The following ZNF292 variants were observed in gnomAD, a reference collection of about 807,000 sequenced individuals.
ZNF292 encodes the protein zinc finger protein 292, also known as 16 zinc-finger domain protein.
Under a neutral mutation model 217.9 loss-of-function variants are expected in ZNF292, and 26 were observed. The observed-to-expected ratio is 0.12, with a 90% CI of 0.09 to 0.17. ZNF292 has a LOEUF of 0.17. Ranked by LOEUF, ZNF292 falls within the 10% of genes least tolerant of loss-of-function variation. ZNF292 has a pLI of 1.00. For synonymous variants in ZNF292, 1,257 were observed against 1,124.1 expected (o/e 1.12, Z -2.37); for missense variants, 2,904 against 3,175.2 (o/e 0.91, Z 2.05).
chr6:87,234,920 C>T (rs114871142), intron 5 of ZNF292, among the ~76,000 whole-genome samples: 1,793 of 151,842 alleles, frequency 0.012, 34 homozygotes, highest in African/African-American at 0.04. Flanking sequence ...TAGGCTTGGA[C>T]CAAGATAAGA....
intron 1 of ZNF292, among the ~76,000 whole-genome samples, chr6:87,203,805 A>C (rs948667572): frequency 1.3e-5 from 2 of 151,998 alleles, no homozygotes; most frequent in African/African-American, 4.8e-5. Context: ...TGGTATGGGG[A>C]GTCAGAGCCA....
At position 87,182,340 on chromosome 6, in the gene ZNF292, A is replaced by G. The variant is rs559564052; in HGVS notation, c.168+26581A>G. On this transcript the variant is annotated intron_variant, in intron 1 of 7. Coordinates refer to ENST00000369577, the MANE Select transcript of ZNF292 (RefSeq NM_015021.3). ...CATCAAATGAGAACTTTTCAATTCT[A>G]TTACTTTATTATCATGCTTGGTAGC... 2.0e-5 allele frequency among the ~76,000 whole-genome samples: 3 copies of G among 152,322 alleles called. No homozygotes were observed. In the East Asian group the frequency reaches 5.8e-4, roughly 29 times the overall value.
In ZNF292 at chr6:87,256,498, T is replaced by C; in HGVS notation, c.2869T>C (p.Ser957Pro). Residue 957 changes from serine (S) to proline (P), a missense_variant, in exon 8 of 8, where the codon TCA (serine) becomes CCA (proline). Coordinates refer to ENST00000369577, the MANE Select transcript of ZNF292 (RefSeq NM_015021.3). ...GGATAACTTTGGAAAGCAAGAAAAC[T>C]CAACTGTGGAAGGCAGTGGTGAAGC... ...IEDNFGKQEN[S>P]TVEGSGEALV... The C allele has an allele frequency of 6.2e-7, 1 of 1,611,994 alleles. No homozygotes were observed. Among genetic ancestry groups the C allele is most frequent in the Non-Finnish European group, 8.5e-7 (1 of 1,179,810 alleles).
rs1775264625 is a variant in ZNF292 at position 87,257,084 on chromosome 6, AGTTT to A, written c.3460_3463del (p.Val1154IlefsTer7). 1.2e-6 allele frequency: 2 copies of A among 1,613,902 alleles called. No individual in the cohort carries two copies. The highest frequency in any genetic ancestry group is 1.7e-6 in the Non-Finnish European group (2 of 1,179,858). On this transcript the variant is annotated frameshift_variant, in exon 8 of 8. Coordinates refer to ENST00000369577, the MANE Select transcript of ZNF292 (RefSeq NM_015021.3). LOFTEE classifies it high-confidence loss of function. ...AACTTAAATACACCAAATAATGGAA[AGTTT>A]GTTTATTTTTTGCCATCACCGGTGA... is the stretch of plus-strand genomic sequence containing the variant.
rs746114862 is a variant in ZNF292 at position 87,155,778 on chromosome 6, C to T, written c.168+19C>T. On this transcript the variant is annotated intron_variant, in intron 1 of 7. Coordinates refer to ENST00000369577, the MANE Select transcript of ZNF292 (RefSeq NM_015021.3). ...GTGCCAGGTGAGGGCGCCCGGTGGT[C>T]CCCTCCCCCTTTCCCCAGCTAGAGG... is the stretch of plus-strand genomic sequence containing the variant. The T allele has an allele frequency of 1.3e-6, 2 of 1,572,646 alleles. No individual in the cohort carries two copies. The highest frequency in any genetic ancestry group is 1.7e-6 in the Non-Finnish European group (2 of 1,159,766).
intron 1 of ZNF292, among the ~76,000 whole-genome samples, chr6:87,214,150 G>A (rs771836897): frequency 2.0e-5 from 3 of 152,148 alleles, no homozygotes; most frequent in Admixed American, 1.3e-4. Flanking sequence ...TGTTTACATC[G>A]AAGCTGAATA....
At chr6:87,216,156 C>G (rs45442199) in intron 2 of ZNF292, 99 bp downstream of exon 2, 14 of 1,125,550 alleles carry the variant, frequency 1.2e-5, no homozygotes, top group Non-Finnish European at 2.5e-6. Context: ...CACACACACA[C>G]AACATTAAAT....
In ZNF292 at chr6:87,257,553, C is replaced by G. The variant is rs770763833; in HGVS notation, c.3924C>G (p.Ser1308=). Residue 1308 remains serine (S), a synonymous_variant, in exon 8 of 8, where the codon TCC becomes TCG. Transcript: ENST00000369577. ...SSQIEGNTNS[S]FLKGGNGENA... ...AGATTGAAGGAAACACTAATTCCTC[C>G]TTTCTAAAGGGGGGTAATGGTGAAA... 2 of 1,607,338 alleles carry G rather than the reference C, an allele frequency of 1.2e-6. No individual in the cohort carries two copies. The highest frequency in any genetic ancestry group is 1.1e-5 in the South Asian group (1 of 90,044).
intron 1 of ZNF292, among the ~76,000 whole-genome samples, chr6:87,213,414 G>A (rs924339549): frequency 1.3e-5 from 2 of 152,214 alleles, no homozygotes; most frequent in African/African-American, 2.4e-5. Context: ...GGGAGGGGAA[G>A]GAGTTCTTGT....
chr6:87,223,846 G>A (rs945483829), intron 4 of ZNF292: 8 of 152,150 alleles, frequency 5.3e-5, no homozygotes, highest in African/African-American at 1.9e-4. Context: ...CTGAGTCCTG[G>A]AATCAACCGT....
In ZNF292 at chr6:87,264,493, A is replaced by G. The variant is rs1395247517; in HGVS notation, c.*2692A>G. Among the ~76,000 whole-genome samples, 1 of 152,228 alleles carries G rather than the reference A, an allele frequency of 6.6e-6. No homozygotes were observed. The highest frequency in any genetic ancestry group is 1.5e-5 in the Non-Finnish European group (1 of 68,040). On this transcript the variant is annotated 3_prime_UTR_variant, in exon 8 of 8. Coordinates refer to ENST00000369577, the MANE Select transcript of ZNF292 (RefSeq NM_015021.3). Reference sequence around the variant, plus strand: ...GCTGTAGATAATATGAAAGTACAATAATACTATACCTAGGGACATCAGAAA... The same window carrying G: ...GCTGTAGATAATATGAAAGTACAATGATACTATACCTAGGGACATCAGAAA...
intron 1 of ZNF292, among the ~76,000 whole-genome samples, chr6:87,208,279 T>G (rs998111184): frequency 4.6e-5 from 7 of 152,140 alleles, no homozygotes; most frequent in Non-Finnish European, 1.0e-4. Context: ...GTGGGTCTTT[T>G]CATTCCTAAA....
In ZNF292 at chr6:87,259,776, T is replaced by G; in HGVS notation, c.6147T>G (p.Ser2049Arg). The stretch of plus-strand genomic sequence containing the variant: ...AAAAACAACTTGTAGAAAAAAAAAG[T>G]CCTGACAAAACAGAAAGTTCTTTAC... ...IPEKQLVEKK[S>R]PDKTESSLQV... is the part of the protein sequence containing the mutation. The change falls in exon 8 of 8, where the codon AGT becomes AGG. Residue 2049 changes from serine (S) to arginine (R), a missense_variant. Coordinates refer to ENST00000369577, the MANE Select transcript of ZNF292 (RefSeq NM_015021.3). 2.5e-6 allele frequency: 4 copies of G among 1,601,994 alleles called. No individual in the cohort carries two copies. The highest frequency in any genetic ancestry group is 3.4e-6 in the Non-Finnish European group (4 of 1,174,072).
intron 1 of ZNF292, among the ~76,000 whole-genome samples, chr6:87,159,503 T>C (rs1770652273): frequency 7.0e-6 from 1 of 143,620 alleles, no homozygotes; most frequent in Non-Finnish European, 1.5e-5. Context: ...TTCTTTTTTT[T>C]TTTTTTTTTT....
Position 87,259,695 on chromosome 6 carries a change from T to G in ZNF292, c.6066T>G (p.Ala2022=), listed in dbSNP as rs1211264841. 6.2e-7 allele frequency: 1 copy of G among 1,600,334 alleles called. No homozygotes were observed. Among genetic ancestry groups the G allele is most frequent in the East Asian group, 2.2e-5 (1 of 44,462 alleles). ...TEENKKESQP[A]LELRAETQNT... is the part of the protein sequence containing the mutation. The stretch of plus-strand genomic sequence containing the variant: ...AAAATAAAAAGGAATCTCAGCCTGC[T>G]TTAGAATTGAGAGCAGAGACCCAAA... The change falls in exon 8 of 8, where the codon GCT becomes GCG. Residue 2022 remains alanine, a synonymous_variant. Transcript: ENST00000369577.
In ZNF292 at chr6:87,257,638, C is replaced by G. The variant is rs1582521362; in HGVS notation, c.4009C>G (p.Gln1337Glu). The G allele has an allele frequency of 6.2e-7, 1 of 1,608,840 alleles. No individual in the cohort carries two copies. Among genetic ancestry groups the G allele is most frequent in the Middle Eastern group, 1.7e-4 (1 of 6,056 alleles). The change falls in exon 8 of 8, where the codon CAG becomes GAG. Residue 1337 changes from glutamine (Q) to glutamate (E), a missense_variant. Coordinates refer to ENST00000369577, the MANE Select transcript of ZNF292 (RefSeq NM_015021.3). Reference sequence around the variant, plus strand: ...TAACTTCAGTAGCACCAATGCCCAACAGTCTGCACCTGAAAAAGTTAAAAA... The same window carrying G: ...TAACTTCAGTAGCACCAATGCCCAAGAGTCTGCACCTGAAAAAGTTAAAAA... ...ANNFSSTNAQ[Q>E]SAPEKVKKDR... is the part of the protein sequence containing the mutation.
At chr6:87,210,346 GA>G (rs1772431004) in intron 1 of ZNF292, among the ~76,000 whole-genome samples, 1 of 152,056 alleles carries the variant, frequency 6.6e-6, no homozygotes, top group East Asian at 1.9e-4. Context: ...GAACAATTAG[GA>G]AAAAAAGTCA....
At chr6:87,222,324 C>T (rs1056029658) in intron 4 of ZNF292, among the ~76,000 whole-genome samples, 2 of 152,052 alleles carry the variant, frequency 1.3e-5, no homozygotes, top group African/African-American at 2.4e-5. Context: ...CATCCATATC[C>T]GTTGATTATT....
chr6:87,219,542 G>A (rs1354001650), intron 4 of ZNF292, among the ~76,000 whole-genome samples: 1 of 152,112 alleles, frequency 6.6e-6, no homozygotes, highest in African/African-American at 2.4e-5. Flanking sequence ...CCATGAGAAG[G>A]GAGTGTTAAG....
Sources: gnomAD v4.1 joint callset for allele counts (sites outside exome capture counted in the v4.1 genomes callset) on GRCh38, gnomAD v4.1.1 for gene constraint, MANE v1.5 for transcripts, NCBI Gene and HGNC (gene_info 2026-07-23, HGNC 2026-07-21) for gene names.